Variants in ZDHHC11 observed in about 807,000 individuals in gnomAD.
ZDHHC11 encodes the protein zDHHC palmitoyltransferase 11.
Under a neutral mutation model 51.3 loss-of-function variants are expected in ZDHHC11, and 44 were observed. The ratio of observed to expected loss-of-function variants is 0.86; its 90% CI spans 0.67 to 1.10. The LOEUF (loss-of-function observed/expected upper bound fraction) is 1.10, where lower values mean the gene tolerates loss of function less well. ZDHHC11 is among the 50% of genes least tolerant of loss of function. ZDHHC11 has a pLI of 0.00. For synonymous variants in ZDHHC11, 163 were observed against 222.0 expected, an observed-to-expected ratio of 0.73 and a Z score of 2.36; for missense variants, 400 against 537.7, an observed-to-expected ratio of 0.74 and a Z score of 2.53.
chr5:820,216 C>T (rs1332659636), intron 9 of ZDHHC11, among the ~76,000 whole-genome samples: 2 of 151,270 alleles, frequency 1.3e-5, no homozygotes, highest in East Asian at 3.9e-4. Context: ...ACTTAAAAGA[C>T]CATAGTTACA....
intron 3 of ZDHHC11, among the ~76,000 whole-genome samples, chr5:846,854 C>T (rs1366584510): frequency 2.1e-5 from 3 of 145,514 alleles, no homozygotes; most frequent in African/African-American, 5.3e-5. Context: ...AGGGGAAACA[C>T]CTCTCGTTCT....
intron 12 of ZDHHC11, among the ~76,000 whole-genome samples, chr5:798,142 G>C (rs1418023557): frequency 1.7e-4 from 25 of 150,272 alleles, no homozygotes; most frequent in South Asian, 2.1e-4. Flanking sequence ...CCCTCTGGGG[G>C]CCCTTACTTT....
At chr5:855,759 C>T (rs1487927059), upstream of ZDHHC11, among the ~76,000 whole-genome samples, 6 of 137,378 alleles carry the variant, frequency 4.4e-5, no homozygotes, top group South Asian at 2.4e-4. Context: ...CAGAGGACAG[C>T]GAGCGAGGGT....
At chr5:797,661 T>C (rs2150267381) in intron 12 of ZDHHC11, among the ~76,000 whole-genome samples, 1 of 151,660 alleles carries the variant, frequency 6.6e-6, no homozygotes, top group East Asian at 1.9e-4. Flanking sequence ...AAAATAGTTT[T>C]CTGTTCTCTT....
At chr5:814,059 T>C (rs1260740924) in intron 11 of ZDHHC11, among the ~76,000 whole-genome samples, 141 of 146,874 alleles carry the variant, frequency 9.6e-4, no homozygotes, top group African/African-American at 3.4e-3. Flanking sequence ...AGCTGCTTTT[T>C]AAAATATAAA....
At chr5:854,198 C>A (rs1333271307), upstream of ZDHHC11, among the ~76,000 whole-genome samples, 1 of 149,722 alleles carries the variant, frequency 6.7e-6, no homozygotes, top group Non-Finnish European at 1.5e-5. Context: ...GGGACAGACC[C>A]CATGGAGGAT....
chr5:859,999 CCA>C (rs1423833407), upstream of ZDHHC11, among the ~76,000 whole-genome samples: 2 of 152,228 alleles, frequency 1.3e-5, no homozygotes, highest in African/African-American at 4.8e-5. Context: ...AGGGAGTCGT[CCA>C]CAGTCAGGGG....
chr5:847,261 C>T (rs374522211), intron 3 of ZDHHC11, among the ~76,000 whole-genome samples: 1,516 of 149,774 alleles, frequency 0.01, no homozygotes, highest in East Asian at 0.067. Context: ...AGCGTGGCCC[C>T]GCAAGTGCCC....
intron 5 of ZDHHC11, among the ~76,000 whole-genome samples, chr5:838,607 G>C (rs1384174646): frequency 6.6e-6 from 1 of 152,146 alleles, no homozygotes; most frequent in African/African-American, 2.4e-5. Context: ...GGTCACGGGG[G>C]TGGGGACAGG....
upstream of ZDHHC11, among the ~76,000 whole-genome samples, chr5:853,149 C>T (rs1747542355): frequency 6.7e-6 from 1 of 149,224 alleles, no homozygotes; most frequent in South Asian, 2.1e-4. Context: ...CCACGGAGGA[C>T]AGCGAGCCAG....
chr5:817,856 G>C lies in ZDHHC11; in HGVS notation c.1146+1669C>G, dbSNP rs760239207. Among the ~76,000 whole-genome samples the C allele has an allele frequency of 2.2e-4, 33 of 151,246 alleles. 4 individuals carry two copies. Among genetic ancestry groups the C allele is most frequent in the Non-Finnish European group, 3.7e-4 (25 of 67,628 alleles). On this transcript the variant is annotated intron_variant, in intron 10 of 12. Transcript: ENST00000283441. ...GAGTTTCCAGTTTGTTCCATTCATC[G>C]AGTCAGGGTGTCTTCTATGGACAAC...
rs555287982 is a variant in ZDHHC11, at chr5:802,224, T to C, written c.1182-1060A>G. 1.0e-4 allele frequency among the ~76,000 whole-genome samples: 15 copies of C among 150,728 alleles called. 1 individual carries two copies. Among genetic ancestry groups the C allele is most frequent in the Non-Finnish European group, 4.4e-5 (3 of 67,528 alleles). ...CCCAAACCATAGGCAACAATGGGAG[T>C]GTCTGCCACCAGATTATTGCAGGGG... On this transcript the variant is annotated intron_variant, in intron 11 of 12. Transcript: ENST00000283441.
In ZDHHC11 at chr5:814,803, G is replaced by C; in HGVS notation, c.1147-8C>G. On this transcript the variant is annotated splice_region_variant and splice_polypyrimidine_tract_variant and intron_variant, in intron 10 of 12. Transcript: ENST00000283441. ...CGGGGCATCATCTGCTTCCTGTGGG[G>C]GGAAGGGATGCAAAATTCATAGGAT... 1 of 1,539,410 alleles carries C rather than the reference G, an allele frequency of 6.5e-7. No homozygotes were observed. The highest frequency in any genetic ancestry group is 1.4e-5 in the African/African-American group (1 of 72,250).
At chr5:850,231 G>T in intron 1 of ZDHHC11, 150 bp downstream of exon 1, 1 of 886,678 alleles carries the variant, frequency 1.1e-6, no homozygotes, top group Non-Finnish European at 1.7e-6. Flanking sequence ...GTGGCCACTG[G>T]GCCCACCTGC....
chr5:801,672 C>T (rs1346241217), intron 11 of ZDHHC11, among the ~76,000 whole-genome samples: 2 of 151,354 alleles, frequency 1.3e-5, no homozygotes, highest in Non-Finnish European at 3.0e-5. Flanking sequence ...TTTATGTGTG[C>T]TGGCCAGCTG....
intron 11 of ZDHHC11, among the ~76,000 whole-genome samples, chr5:805,391 C>G (rs1306095868): frequency 6.6e-6 from 1 of 150,844 alleles, no homozygotes; most frequent in African/African-American, 2.4e-5. Flanking sequence ...TGAGTTATCA[C>G]TGTGCACTCC....
intron 7 of ZDHHC11, among the ~76,000 whole-genome samples, chr5:827,252 C>T (rs1205462216): frequency 6.7e-6 from 1 of 148,642 alleles, no homozygotes; most frequent in Non-Finnish European, 1.5e-5. Context: ...AACAAAACCT[C>T]AAAATACACC....
intron 12 of ZDHHC11, among the ~76,000 whole-genome samples, chr5:798,448 G>C (rs568917021): frequency 2.0e-5 from 3 of 151,302 alleles, no homozygotes; most frequent in Non-Finnish European, 2.9e-5. Flanking sequence ...GCTCAGTTTC[G>C]GAGCATTGTC....
At chr5:822,547 C>G (rs867014289) in intron 8 of ZDHHC11, among the ~76,000 whole-genome samples, 2 of 151,584 alleles carry the variant, frequency 1.3e-5, no homozygotes, top group Non-Finnish European at 3.0e-5. Context: ...ATGATAAGTA[C>G]ATGCTCAGCA....
Sources: gnomAD v4.1 joint callset for allele counts (sites outside exome capture counted in the v4.1 genomes callset) on GRCh38, gnomAD v4.1.1 for gene constraint, MANE v1.5 for transcripts, NCBI Gene and HGNC (gene_info 2026-07-23, HGNC 2026-07-21) for gene names.